EPB41L3: variants seen among roughly 807,000 people sequenced by gnomAD.
EPB41L3 encodes erythrocyte membrane protein band 4.1 like 3.
In EPB41L3, 57 loss-of-function variants were observed where a neutral mutation model predicts 127.1. The ratio of observed to expected loss-of-function variants is 0.45; its 90% CI spans 0.36 to 0.56. The LOEUF (loss-of-function observed/expected upper bound fraction) is 0.56, where lower values mean the gene tolerates loss of function less well. Ranked by LOEUF, EPB41L3 falls within the 20% of genes least tolerant of loss-of-function variation. The pLI, the probability that EPB41L3 is intolerant of heterozygous loss-of-function variation, is 0.00. For missense variants in EPB41L3, 1,273 were observed against 1,372.2 expected, an observed-to-expected ratio of 0.93 and a Z score of 1.14; for synonymous variants, 572 against 549.5, an observed-to-expected ratio of 1.04 and a Z score of -0.57.
At chr18:5,593,066 A>C (rs2094500949) in intron 3 of EPB41L3, among the ~76,000 whole-genome samples, 1 of 152,134 alleles carries the variant, frequency 6.6e-6, no homozygotes, top group Non-Finnish European at 1.5e-5. Flanking sequence ...CAATCTGCAG[A>C]GATACTAGCT....
chr18:5,540,352 T>C, intron 1 of EPB41L3: 1 of 985,450 alleles, frequency 1.0e-6, no homozygotes, highest in Non-Finnish European at 1.2e-6. Context: ...CGCAATGCAG[T>C]TCAACTTGAG....
chr18:5,588,540 T>C (rs2094459508), intron 3 of EPB41L3, among the ~76,000 whole-genome samples: 1 of 151,894 alleles, frequency 6.6e-6, no homozygotes, highest in Admixed American at 6.6e-5. Context: ...TATGTGTATA[T>C]ATATATATAC....
chr18:5,416,022 C>T lies in EPB41L3; in HGVS notation c.1863G>A (p.Leu621=), dbSNP rs774497427. Residue 621 remains leucine, a synonymous_variant, in exon 13 of 23, where the codon TTG becomes TTA. Coordinates refer to ENST00000341928, the MANE Select transcript of EPB41L3 (RefSeq NM_012307.5). ...GTGAGCGGATCGGGAGGTAATGCTG[C>T]AAGCTCTGGGGCAGGAGGTTGGTTT... ...LSETNLLPQS[L]QHYLPIRSPS... 2 of 1,613,954 alleles carry T rather than the reference C, an allele frequency of 1.2e-6. No homozygotes were observed. Among genetic ancestry groups the T allele is most frequent in the African/African-American group, 2.7e-5 (2 of 74,990 alleles).
intron 3 of EPB41L3, among the ~76,000 whole-genome samples, chr18:5,471,128 C>T (rs74509196): frequency 0.015 from 2,330 of 152,292 alleles, 65 homozygotes; most frequent in African/African-American, 0.052. Flanking sequence ...TCTACGACTC[C>T]TACAAAGGCT....
intron 1 of EPB41L3, among the ~76,000 whole-genome samples, chr18:5,490,950 C>A (rs2090521477): frequency 1.3e-5 from 2 of 152,122 alleles, no homozygotes; most frequent in African/African-American, 4.8e-5. Flanking sequence ...TAACCACTAC[C>A]CCCCATCTCA....
intron 3 of EPB41L3, among the ~76,000 whole-genome samples, chr18:5,600,394 G>T (rs916607428): frequency 6.6e-6 from 1 of 152,166 alleles, no homozygotes; most frequent in African/African-American, 2.4e-5. Flanking sequence ...GTGGAGAAAT[G>T]AGAGAATCAG....
intron 3 of EPB41L3, chr18:5,567,284 T>A (rs2094219687): frequency 6.6e-6 from 1 of 152,158 alleles, no homozygotes. Context: ...ACACCTCTAG[T>A]GGGCAGAAAG....
intron 5 of EPB41L3, among the ~76,000 whole-genome samples, chr18:5,440,125 G>T (rs912291325): frequency 6.6e-6 from 1 of 152,172 alleles, no homozygotes; most frequent in African/African-American, 2.4e-5. Context: ...CCACCCCAGA[G>T]ATTTTTATTC....
intron 1 of EPB41L3, among the ~76,000 whole-genome samples, chr18:5,501,865 C>T (rs1267462312): frequency 6.6e-6 from 1 of 152,126 alleles, no homozygotes; most frequent in Non-Finnish European, 1.5e-5. Flanking sequence ...ACAAATGAGT[C>T]GCCTGAAAGC....
chr18:5,591,295 G>A (rs1241590878), intron 3 of EPB41L3, among the ~76,000 whole-genome samples: 6 of 152,150 alleles, frequency 3.9e-5, no homozygotes, highest in Admixed American at 3.3e-4. Flanking sequence ...ATAAACAACA[G>A]AAATTTATTT....
At chr18:5,610,279 A>C (rs1416887223) in intron 3 of EPB41L3, 2 of 985,312 alleles carry the variant, frequency 2.0e-6, no homozygotes, top group Non-Finnish European at 2.4e-6. Flanking sequence ...ATTGTTCAAC[A>C]ACTGATGCTA....
chr18:5,491,587 A>G (rs2090601429), intron 1 of EPB41L3, among the ~76,000 whole-genome samples: 1 of 152,204 alleles, frequency 6.6e-6, no homozygotes, highest in Non-Finnish European at 1.5e-5. Context: ...ATTACCATCT[A>G]TGACTGTACC....
At position 5,407,780 on chromosome 18, in the gene EPB41L3, A is replaced by G; in HGVS notation, c.2122-44T>C. ...AGTGGGAAATAAAGTCTTACATGCA[A>G]TTTACTCTAAGATTGAAGAACTATG... On this transcript the variant is annotated intron_variant, in intron 14 of 22. Coordinates refer to ENST00000341928, the MANE Select transcript of EPB41L3 (RefSeq NM_012307.5). 3 of 1,592,164 alleles carry G rather than the reference A, an allele frequency of 1.9e-6. No individual in the cohort carries two copies. The South Asian group carries it at 3.3e-5, about 18-fold the overall frequency.
Position 5,393,112 on chromosome 18 carries a change from TTAA to T in EPB41L3, c.*370_*372del, listed in dbSNP as rs1182098434. On this transcript the variant is annotated 3_prime_UTR_variant, in exon 23 of 23. Coordinates refer to ENST00000341928, the MANE Select transcript of EPB41L3 (RefSeq NM_012307.5). The stretch of plus-strand genomic sequence containing the variant: ...AAGAAATTGCAATTTTGTTTAGACT[TTAA>T]TAATAATAAACTATGAAAGGCATGA... 4.9e-6 allele frequency: 1 copy of T among 203,568 alleles called. No homozygotes were observed. The highest frequency in any genetic ancestry group is 9.8e-6 in the Non-Finnish European group (1 of 102,272). 12.6% of individuals were successfully genotyped at this position (203,568 alleles called of 1,614,324 possible).
intron 1 of EPB41L3, among the ~76,000 whole-genome samples, chr18:5,538,003 A>T (rs971630078): frequency 1.3e-5 from 2 of 152,128 alleles, no homozygotes; most frequent in African/African-American, 4.8e-5. Flanking sequence ...ATTTCATAAG[A>T]TTCATGACAC....
At chr18:5,407,380 T>C in intron 15 of EPB41L3, 1 of 413,498 alleles carries the variant, frequency 2.4e-6, no homozygotes, top group East Asian at 4.1e-5. Context: ...CCCACAGGTA[T>C]TACACTAAAA....
In EPB41L3 at chr18:5,416,028, C is replaced by G; in HGVS notation, c.1857G>C (p.Gln619His). 6.2e-7 allele frequency: 1 copy of G among 1,613,918 alleles called. No individual in the cohort carries two copies. Among genetic ancestry groups the G allele is most frequent in the East Asian group, 2.2e-5 (1 of 44,866 alleles). ...PNLSETNLLP[Q>H]SLQHYLPIRS... ...GGATCGGGAGGTAATGCTGCAAGCT[C>G]TGGGGCAGGAGGTTGGTTTCAGAAA... is the stretch of plus-strand genomic sequence containing the variant. Residue 619 changes from glutamine (Q) to histidine (H), a missense_variant, in exon 13 of 23, where the codon CAG becomes CAC. Around this residue, in one of 3 missense-constraint regions of EPB41L3, gnomAD observed 765 missense variants for 782.9 expected, o/e 0.98. Transcript: ENST00000341928.
chr18:5,398,953 T>C, intron 16 of EPB41L3: 1 of 399,164 alleles, frequency 2.5e-6, no homozygotes, highest in Non-Finnish European at 4.4e-6. Flanking sequence ...CGCTGTGTCG[T>C]CTGGACCTCT....
At chr18:5,471,764 C>T (rs1332885635) in intron 3 of EPB41L3, among the ~76,000 whole-genome samples, 1 of 152,148 alleles carries the variant, frequency 6.6e-6, no homozygotes, top group Non-Finnish European at 1.5e-5. Flanking sequence ...AGCCTGAAGA[C>T]TCAAAGGAGT....
Sources: allele counts gnomAD v4.1 joint callset (sites outside exome capture counted in the v4.1 genomes callset), GRCh38; gene constraint gnomAD v4.1.1; regional missense constraint gnomAD v4.1.1; transcripts MANE v1.5; gene names NCBI Gene and HGNC (gene_info 2026-07-23, HGNC 2026-07-21).